The following ORC4 variants were observed in gnomAD, a reference collection of about 807,000 sequenced individuals.
ORC4 encodes the protein origin recognition complex, subunit 4 homolog.
A neutral mutation model predicts 63.9 loss-of-function variants in ORC4; 55 were observed. The ratio of observed to expected loss-of-function variants is 0.86; its 90% CI spans 0.69 to 1.08. The LOEUF is 1.08. ORC4 is among the 50% of genes least tolerant of loss of function. The pLI is 0.00. For missense variants in ORC4, 511 were observed against 504.4 expected (o/e 1.01, Z -0.13); for synonymous variants, 150 against 168.5 (o/e 0.89, Z 0.85).
rs555099382 is a variant in ORC4, at chr2:148,003,643, C to T, written c.-18+16990G>A. ...ATAAGAGCTATTTATGACAAACCCA[C>T]GGCCAATATCACACTGAATGGGCAA... On this transcript the variant is annotated intron_variant, in intron 1 of 13. Coordinates refer to ENST00000392857, the MANE Select transcript of ORC4 (RefSeq NM_181741.4). 1.5e-4 allele frequency among the ~76,000 whole-genome samples: 23 copies of T among 152,270 alleles called. No individual in the cohort carries two copies. The South Asian group carries it at 4.1e-3, about 27-fold the overall frequency.
At chr2:147,948,515 T>C (rs1688777346) in intron 8 of ORC4, among the ~76,000 whole-genome samples, 1 of 151,998 alleles carries the variant, frequency 6.6e-6, no homozygotes, top group African/African-American at 2.4e-5. Context: ...TGAATAGCTA[T>C]ATGTCACAAT....
intron 1 of ORC4, among the ~76,000 whole-genome samples, chr2:147,983,205 T>C (rs527686821): frequency 2.6e-5 from 4 of 152,298 alleles, no homozygotes; most frequent in East Asian, 1.9e-4. Flanking sequence ...CACATAGCAA[T>C]TGCACTCTTG....
intron 1 of ORC4, among the ~76,000 whole-genome samples, chr2:147,997,102 G>A (rs531588608): frequency 1.1e-4 from 17 of 152,278 alleles, no homozygotes; most frequent in African/African-American, 4.1e-4. Flanking sequence ...GAAAAGACAT[G>A]AAGGAAACTT....
intron 4 of ORC4, among the ~76,000 whole-genome samples, chr2:147,969,568 T>TA: frequency 6.6e-6 from 1 of 151,822 alleles, no homozygotes; most frequent in East Asian, 1.9e-4. Flanking sequence ...AAGAAGCAAA[T>TA]GACAGCACTG....
rs1573728541 is a variant in ORC4 at position 147,932,011 on chromosome 2, C to T, written c.*3499G>A. 6.6e-6 allele frequency: 1 copy of T among 151,990 alleles called. No individual in the cohort carries two copies. Among genetic ancestry groups the T allele is most frequent in the East Asian group, 1.9e-4 (1 of 5,176 alleles). 9.4% of individuals were successfully genotyped at this position (151,990 alleles called of 1,614,324 possible). On this transcript the variant is annotated 3_prime_UTR_variant, in exon 14 of 14. Coordinates refer to ENST00000392857, the MANE Select transcript of ORC4 (RefSeq NM_181741.4). ...GTATTCAATTAGGAAAAGAGGAAGT[C>T]AAATTGTCCGTTTGCAGACGACATG...
At chr2:148,019,668 T>C (rs756805684) in intron 1 of ORC4, among the ~76,000 whole-genome samples, 8 of 152,216 alleles carry the variant, frequency 5.3e-5, no homozygotes, top group Admixed American at 2.0e-4. Flanking sequence ...TTTAGATTCT[T>C]GGTTTTTAAA....
At chr2:147,980,128 G>A (rs980308171) in intron 1 of ORC4, among the ~76,000 whole-genome samples, 4 of 151,994 alleles carry the variant, frequency 2.6e-5, no homozygotes, top group African/African-American at 9.7e-5. Flanking sequence ...GAAACTATTT[G>A]CAAATCTTAC....
chr2:147,957,935 T>C (rs1390914327), intron 6 of ORC4, among the ~76,000 whole-genome samples: 1 of 152,092 alleles, frequency 6.6e-6, no homozygotes, highest in Non-Finnish European at 1.5e-5. Context: ...GCTACTCAAG[T>C]CTCAAAAAAG....
At chr2:147,987,677 A>G (rs1346611176) in intron 1 of ORC4, among the ~76,000 whole-genome samples, 1 of 152,116 alleles carries the variant, frequency 6.6e-6, no homozygotes, top group East Asian at 1.9e-4. Context: ...GCACAGGTCA[A>G]AGAGGTAACA....
intron 9 of ORC4, among the ~76,000 whole-genome samples, chr2:147,943,746 T>C (rs1211861020): frequency 6.6e-6 from 1 of 152,120 alleles, no homozygotes; most frequent in Admixed American, 6.6e-5. Flanking sequence ...ATAAACACAA[T>C]GATAAAACAA....
At position 147,943,529 on chromosome 2, in the gene ORC4, G is replaced by GT; in HGVS notation, c.763-8_763-7insA. ...TTCTATCTTCTGAGAGATACTAAAA[G>GT]GAAAAAAAAAAAAAAAGCCAAAATT... On this transcript the variant is annotated splice_region_variant and splice_polypyrimidine_tract_variant and intron_variant, in intron 9 of 13. Transcript: ENST00000392857. 8.6e-6 allele frequency: 10 copies of GT among 1,167,652 alleles called. No individual in the cohort carries two copies. The highest frequency in any genetic ancestry group is 1.0e-5 in the Non-Finnish European group (9 of 859,948). The allele number at this position is 1,167,652 out of a possible 1,614,324, so 72.3% of individuals were successfully genotyped here.
intron 8 of ORC4, among the ~76,000 whole-genome samples, chr2:147,948,537 T>C (rs1162153077): frequency 4.0e-5 from 6 of 151,174 alleles, no homozygotes; most frequent in Non-Finnish European, 8.9e-5. Context: ...ACACCAAGAG[T>C]GTCAATAAGG....
intron 1 of ORC4, among the ~76,000 whole-genome samples, chr2:147,980,356 G>A (rs1690809463): frequency 6.6e-6 from 1 of 152,098 alleles, no homozygotes; most frequent in South Asian, 2.1e-4. Context: ...TGGGATATGT[G>A]TAGGTTATAC....
At chr2:147,975,236 C>T (rs1377270548) in intron 2 of ORC4, among the ~76,000 whole-genome samples, 2 of 152,080 alleles carry the variant, frequency 1.3e-5, no homozygotes, top group Admixed American at 1.3e-4. Flanking sequence ...AAGAGACATA[C>T]AGATAGATGC....
chr2:148,004,645 A>G (rs1294997400), intron 1 of ORC4, among the ~76,000 whole-genome samples: 1 of 152,210 alleles, frequency 6.6e-6, no homozygotes, highest in East Asian at 1.9e-4. Context: ...TAAGACCTAA[A>G]ACCATAAAAA....
chr2:148,002,832 T>C (rs995646894), intron 1 of ORC4, among the ~76,000 whole-genome samples: 2 of 152,284 alleles, frequency 1.3e-5, no homozygotes, highest in East Asian at 3.9e-4. Flanking sequence ...GGAGCTGCTT[T>C]TTTGAAAACT....
chr2:147,989,791 T>C (rs1394078859), intron 1 of ORC4, among the ~76,000 whole-genome samples: 3 of 152,186 alleles, frequency 2.0e-5, no homozygotes, highest in Non-Finnish European at 2.9e-5. Flanking sequence ...ATCAAGTTTT[T>C]CTTAGTTTGG....
intron 2 of ORC4, among the ~76,000 whole-genome samples, chr2:147,974,498 G>A (rs1211265622): frequency 6.6e-6 from 1 of 151,890 alleles, no homozygotes; most frequent in African/African-American, 2.4e-5. Flanking sequence ...AGCCAGACGT[G>A]GTGGTGGATG....
chr2:147,977,190 T>C (rs1437276033), intron 1 of ORC4, among the ~76,000 whole-genome samples: 2 of 152,192 alleles, frequency 1.3e-5, no homozygotes, highest in Admixed American at 6.5e-5. Context: ...AAACAGTATA[T>C]AAATGGAAGA....
Sources: gnomAD v4.1 joint callset for allele counts (sites outside exome capture counted in the v4.1 genomes callset) on GRCh38, gnomAD v4.1.1 for gene constraint, MANE v1.5 for transcripts, NCBI Gene and HGNC (gene_info 2026-07-23, HGNC 2026-07-21) for gene names.